Variants in MCF2L observed in about 807,000 individuals in gnomAD.
MCF2L encodes guanine nucleotide exchange factor DBS.
In MCF2L, 97 loss-of-function variants were observed where a neutral mutation model predicts 153.4. That is an observed-to-expected ratio of 0.63 (90% CI 0.54 to 0.75). MCF2L has a LOEUF of 0.75. Among genes scored for constraint, MCF2L ranks in the 30% least tolerant of loss-of-function variants. The pLI is 0.00. For synonymous variants in MCF2L, 659 were observed against 632.2 expected, an observed-to-expected ratio of 1.04 and a Z score of -0.64; for missense variants, 1,347 against 1,495.2, an observed-to-expected ratio of 0.90 and a Z score of 1.64.
At chr13:112,988,794 G>A (rs1416366710) in intron 1 of MCF2L, among the ~76,000 whole-genome samples, 1 of 115,606 alleles carries the variant, frequency 8.7e-6, no homozygotes, top group African/African-American at 3.2e-5. Context: ...TCCCTGAGCA[G>A]GGGATGGGCT....
rs978667567 is a variant in MCF2L at position 113,070,612 on chromosome 13, G to A, written c.996+439G>A. ...CGTCTCCCTCCTGCGGCCCTTCGTG[G>A]ACTCACCCATGTCCCTCCTCAGCCC... is the stretch of plus-strand genomic sequence containing the variant. On this transcript the variant is annotated intron_variant, in intron 9 of 29. Coordinates refer to ENST00000535094, the MANE Select transcript of MCF2L (RefSeq NM_001112732.3). The surrounding 1 kb of genome is among the most constrained non-coding windows in gnomAD (Gnocchi z 5.6). Among the ~76,000 whole-genome samples the A allele has an allele frequency of 7.0e-6, 1 of 143,382 alleles. No homozygotes were observed. The highest frequency in any genetic ancestry group is 6.8e-5 in the Admixed American group (1 of 14,730). 94.1% of individuals were successfully genotyped at this position (143,382 alleles called of 152,430 possible).
At chr13:113,090,504 G>T (rs961617054) in intron 26 of MCF2L, 5 of 981,258 alleles carry the variant, frequency 5.1e-6, no homozygotes, top group Non-Finnish European at 6.0e-6. Context: ...CTTGCTGGCT[G>T]CGTGTCTCTG....
rs2032021194 is a variant in MCF2L at position 113,064,318 on chromosome 13, C to T, written c.504C>T (p.Ser168=). 6.2e-7 allele frequency: 1 copy of T among 1,612,496 alleles called. No homozygotes were observed. Among genetic ancestry groups the T allele is most frequent in the African/African-American group, 1.3e-5 (1 of 74,942 alleles). Residue 168 remains serine (S), a synonymous_variant, in exon 6 of 30, where the codon AGC becomes AGT. Transcript: ENST00000535094. The surrounding 1 kb of genome is among the most constrained non-coding windows in gnomAD (Gnocchi z 6.0). ...FKMKVPVIML[S]SVPDLHGYID... ...TTCTCCTCCAGGTCATAATGCTGAG[C>T]TCCGTACCAGACTTACACGGTTACA...
chr13:112,992,530 G>A (rs3011531), intron 1 of MCF2L, among the ~76,000 whole-genome samples: 1 of 152,278 alleles, frequency 6.6e-6, no homozygotes, highest in East Asian at 1.9e-4. Flanking sequence ...TGGTGGCCAC[G>A]TCTCATCCTC....
In MCF2L at chr13:112,976,767, A is replaced by G. The variant is rs571603971; in HGVS notation, c.79+7309A>G. The stretch of plus-strand genomic sequence containing the variant: ...TCTCAGACACCATGGCGGGAAGACG[A>G]CAGAGCCGTGAGGAGACACACACCA... On this transcript the variant is annotated intron_variant, in intron 1 of 29. Transcript: ENST00000535094. 4.6e-5 allele frequency among the ~76,000 whole-genome samples: 7 copies of G among 152,318 alleles called. No homozygotes were observed. The East Asian group carries it at 1.4e-3, about 29-fold the overall frequency.
chr13:112,979,846 G>T (rs2082343275), intron 1 of MCF2L: 8 of 1,263,432 alleles, frequency 6.3e-6, no homozygotes, highest in Non-Finnish European at 8.7e-6. Context: ...CCTCCCTGGG[G>T]TATTTCTCTC....
intron 1 of MCF2L, among the ~76,000 whole-genome samples, chr13:112,981,503 C>T (rs186760633): frequency 2.4e-4 from 36 of 152,334 alleles, no homozygotes; most frequent in Non-Finnish European, 4.6e-4. Flanking sequence ...GGTGAGACAC[C>T]CCCATCCTGT....
In MCF2L at chr13:113,064,900, C is replaced by A; in HGVS notation, c.607-36C>A. The A allele has an allele frequency of 6.3e-7, 1 of 1,594,696 alleles. No individual in the cohort carries two copies. Among genetic ancestry groups the A allele is most frequent in the Non-Finnish European group, 8.5e-7 (1 of 1,170,004 alleles). ...AGGGCAGCAGGAGGTGGGTGCAGTG[C>A]ACAAGGCATGCAATTGTGTTTTCTC... On this transcript the variant is annotated intron_variant, in intron 6 of 29. Transcript: ENST00000535094. This position sits in a 1 kb window ranked among gnomAD's most constrained non-coding sequence, Gnocchi z 6.0.
At chr13:112,916,467 G>A (rs1039512655) in intron 2 of MCF2L, among the ~76,000 whole-genome samples, 8 of 152,128 alleles carry the variant, frequency 5.3e-5, no homozygotes, top group Non-Finnish European at 1.2e-4. Flanking sequence ...GGTGGGATGA[G>A]TCTCCGCACG....
At chr13:112,985,371 C>G (rs1414063782) in intron 1 of MCF2L, 2 of 470,348 alleles carry the variant, frequency 4.3e-6, no homozygotes, top group Non-Finnish European at 8.8e-6. Flanking sequence ...TCCCCGGCAG[C>G]TGATCCTCGC....
In MCF2L at chr13:112,969,309, C is replaced by G. The variant is rs917081901; in HGVS notation, c.-71C>G. ...CCGCCGCGCCCCCTCCGCACTCGCA[C>G]GGCCCCACCCGCAGGCGCCCCCCGT... is the stretch of plus-strand genomic sequence containing the variant. On this transcript the variant is annotated 5_prime_UTR_variant, in exon 1 of 30. Coordinates refer to ENST00000535094, the MANE Select transcript of MCF2L (RefSeq NM_001112732.3). This position sits in a 1 kb window ranked among gnomAD's most constrained non-coding sequence, Gnocchi z 4.8. 1 of 1,536,226 alleles carries G rather than the reference C, an allele frequency of 6.5e-7. No homozygotes were observed. Among genetic ancestry groups the G allele is most frequent in the Non-Finnish European group, 8.8e-7 (1 of 1,138,004 alleles).
chr13:112,943,321 G>T lies in MCF2L; in HGVS notation c.169+40950G>T, dbSNP rs1483834454. 1.3e-5 allele frequency among the ~76,000 whole-genome samples: 2 copies of T among 152,204 alleles called. No individual in the cohort carries two copies. The highest frequency in any genetic ancestry group is 1.9e-4 in the East Asian group (1 of 5,182). ...CCCGAGGCTGTGGTTGGGGGGTCGC[G>T]GTCGAGCTCTAGGGCCCCCGGCCGC... On this transcript the variant is annotated intron_variant, in intron 2 of 29. Coordinates refer to the MCF2L transcript ENST00000375608. This position sits in a 1 kb window ranked among gnomAD's most constrained non-coding sequence, Gnocchi z 4.2.
chr13:112,995,521 A>G (rs115441910), intron 1 of MCF2L, among the ~76,000 whole-genome samples: 4,965 of 152,212 alleles, frequency 0.033, 245 homozygotes, highest in East Asian at 0.1. Context: ...CTTCTGCCCC[A>G]GGAGAGCAGA....
intron 1 of MCF2L, among the ~76,000 whole-genome samples, chr13:113,013,515 AC>A (rs1334891450): frequency 6.6e-6 from 1 of 152,192 alleles, no homozygotes; most frequent in Non-Finnish European, 1.5e-5. Flanking sequence ...CCGTGTTTAC[AC>A]TTGTTTGTCT....
intron 8 of MCF2L, 62 bp from the exon 9 acceptor site, chr13:113,069,997 G>T: frequency 1.7e-6 from 2 of 1,187,136 alleles, no homozygotes; most frequent in African/African-American, 1.6e-5. Flanking sequence ...AACACCCACC[G>T]CGCTCCACGT....
At chr13:112,962,048 CGG>C (rs2081834296) in intron 2 of MCF2L, among the ~76,000 whole-genome samples, 3 of 148,496 alleles carry the variant, frequency 2.0e-5, no homozygotes, top group African/African-American at 7.5e-5. Flanking sequence ...CACACACACA[CGG>C]ACACGCACAC....
intron 17 of MCF2L, among the ~76,000 whole-genome samples, chr13:113,083,728 C>T (rs1247893488): frequency 6.6e-6 from 1 of 152,184 alleles, no homozygotes; most frequent in African/African-American, 2.4e-5. Flanking sequence ...CCCTGTGAGC[C>T]GTGTGTGTGC....
intron 1 of MCF2L, among the ~76,000 whole-genome samples, chr13:112,973,474 C>T (rs549575821): frequency 7.2e-5 from 11 of 152,280 alleles, no homozygotes; most frequent in South Asian, 2.1e-4. Flanking sequence ...GAGATTTGAG[C>T]GGAGGGAGGC....
At chr13:112,917,311 C>T in intron 2 of MCF2L, 1 of 382,934 alleles carries the variant, frequency 2.6e-6, no homozygotes, top group Admixed American at 3.2e-5. Context: ...ACCTCTCCGT[C>T]CAGTTCCTTT....
Sources: allele counts gnomAD v4.1 joint callset (sites outside exome capture counted in the v4.1 genomes callset), GRCh38; gene constraint gnomAD v4.1.1; non-coding constraint Gnocchi (gnomAD v3.1); transcripts MANE v1.5; gene names NCBI Gene and HGNC (gene_info 2026-07-23, HGNC 2026-07-21).